Variants in KRIT1 observed in about 807,000 individuals in gnomAD.
The protein encoded by KRIT1 is KRIT1 ankyrin repeat containing.
In KRIT1, 45 loss-of-function variants were observed where a neutral mutation model predicts 95.8. The ratio of observed to expected loss-of-function variants is 0.47; its 90% CI spans 0.37 to 0.60. The LOEUF is 0.60. Among genes scored for constraint, KRIT1 ranks in the 20% least tolerant of loss-of-function variants. The pLI, the probability that KRIT1 is intolerant of heterozygous loss-of-function variation, is 0.00. For missense variants in KRIT1, 788 were observed against 877.5 expected (o/e 0.90, Z 1.29); for synonymous variants, 282 against 278.8 (o/e 1.01, Z -0.11).
chr7:92,207,776 G>A (rs753497906), intron 17 of KRIT1, among the ~76,000 whole-genome samples: 10 of 152,144 alleles, frequency 6.6e-5, no homozygotes, highest in Non-Finnish European at 1.5e-4. Flanking sequence ...ATAATCGCTT[G>A]AACCCAGGAG....
intron 10 of KRIT1, among the ~76,000 whole-genome samples, chr7:92,229,213 T>A (rs1450387482): frequency 6.6e-6 from 1 of 152,212 alleles, no homozygotes; most frequent in African/African-American, 2.4e-5. Flanking sequence ...ACCAACAGTA[T>A]ATAAGCGTTC....
Position 92,200,632 on chromosome 7 carries a change from G to A in KRIT1, c.*104C>T. 1 of 784,718 alleles carries A rather than the reference G, an allele frequency of 1.3e-6. No individual in the cohort carries two copies. Among genetic ancestry groups the A allele is most frequent in the Non-Finnish European group, 2.2e-6 (1 of 447,270 alleles). The allele number at this position is 784,718 out of a possible 1,614,324, so 48.6% of individuals were successfully genotyped here. A position where few individuals can be genotyped will look rare whatever the true frequency, so the allele number is the denominator to read the frequency against. On this transcript the variant is annotated 3_prime_UTR_variant, in exon 19 of 19. Transcript: ENST00000394505. The stretch of plus-strand genomic sequence containing the variant: ...CTCCCAAAGTGCTGGAATTACAGGG[G>A]TGAGCCACCATGCTCGGCCAAAAGT...
At chr7:92,204,456 C>A (rs1002647647) in intron 17 of KRIT1, among the ~76,000 whole-genome samples, 4 of 151,776 alleles carry the variant, frequency 2.6e-5, no homozygotes, top group African/African-American at 9.7e-5. Context: ...CACTTTATTT[C>A]TATTACTATT....
rs1313244200 is a variant in KRIT1, at chr7:92,199,973, A to G, written c.*763T>C. ...TTTAAAAAAATGTTGAGAAATGTTT[A>G]TAGACTGCAGAAAACTGTTTTAAAT... is the stretch of plus-strand genomic sequence containing the variant. On this transcript the variant is annotated 3_prime_UTR_variant, in exon 19 of 19. Transcript: ENST00000394505. The G allele has an allele frequency of 2.0e-5, 3 of 152,532 alleles. No individual in the cohort carries two copies. Among genetic ancestry groups the G allele is most frequent in the Non-Finnish European group, 4.4e-5 (3 of 68,036 alleles). The allele number at this position is 152,532 out of a possible 1,614,324, so 9.4% of individuals were successfully genotyped here. A position where few individuals can be genotyped will look rare whatever the true frequency, so the allele number is the denominator to read the frequency against.
At chr7:92,232,535 T>C (rs1797523152) in intron 10 of KRIT1, among the ~76,000 whole-genome samples, 1 of 150,394 alleles carries the variant, frequency 6.6e-6, no homozygotes, top group Non-Finnish European at 1.5e-5. Context: ...AAAACACCCC[T>C]GCCACAAAAA....
Position 92,225,837 on chromosome 7 carries a change from TGGGTG to T in KRIT1, c.1147-15_1147-11del. Reference sequence around the variant, plus strand: ...GTTGGTCTGTTATATGCTAGAAATGTGGGTGGGGAGGGGGAAAAAAGGCATTACAT... The same window carrying T: ...GTTGGTCTGTTATATGCTAGAAATGTGGGAGGGGGAAAAAAGGCATTACAT... On this transcript the variant is annotated splice_polypyrimidine_tract_variant and intron_variant, in intron 11 of 18. Transcript: ENST00000394505. 1 of 1,460,322 alleles carries T rather than the reference TGGGTG, an allele frequency of 6.8e-7. No individual in the cohort carries two copies. Among genetic ancestry groups the T allele is most frequent in the Non-Finnish European group, 9.6e-7 (1 of 1,039,992 alleles). 90.5% of individuals were successfully genotyped at this position (1,460,322 alleles called of 1,614,324 possible).
At position 92,240,968 on chromosome 7, in the gene KRIT1, G is replaced by A; in HGVS notation, c.262+25C>T. 3 of 1,555,306 alleles carry A rather than the reference G, an allele frequency of 1.9e-6. No homozygotes were observed. In the South Asian group the frequency reaches 3.3e-5, roughly 17 times the overall value. On this transcript the variant is annotated intron_variant, in intron 5 of 18. Transcript: ENST00000394505. The stretch of plus-strand genomic sequence containing the variant: ...TCTCCACAAGTATTTTAAACAATGT[G>A]TTTTTTAAAAAAGAAGTTTCCTACC...
intron 17 of KRIT1, among the ~76,000 whole-genome samples, chr7:92,209,789 A>G (rs10263913): frequency 0.57 from 86,157 of 152,024 alleles, 25,671 homozygotes; most frequent in African/African-American, 0.76. Flanking sequence ...TAGGCCAGGC[A>G]TGGTGGCTCA....
intron 17 of KRIT1, among the ~76,000 whole-genome samples, chr7:92,211,950 A>C (rs77952927): frequency 0.15 from 22,511 of 151,568 alleles, 1,923 homozygotes; most frequent in East Asian, 0.38. Flanking sequence ...AAAACAACAA[A>C]AAAAAAAAGC....
rs115295776 is a variant in KRIT1, at chr7:92,218,892, A to G, written c.1563+3010T>C. Among the ~76,000 whole-genome samples the G allele has an allele frequency of 9.7e-3, 1,483 of 152,250 alleles. 33 individuals carry two copies. The highest frequency in any genetic ancestry group is 0.034 in the African/African-American group (1,413 of 41,546). ...TTTTGTTGTTCATGCTTTTGTTGTC[A>G]TATCTGACTCCACTGCCTAATCCAA... On this transcript the variant is annotated intron_variant, in intron 14 of 18. Coordinates refer to ENST00000394505, the MANE Select transcript of KRIT1 (RefSeq NM_194454.3).
chr7:92,234,575 T>C lies in KRIT1; in HGVS notation c.863A>G (p.Asp288Gly), dbSNP rs766293925. ...VTEDKERQWV[D>G]DFPLHRSACE... The stretch of plus-strand genomic sequence containing the variant: ...GGCGCTTCGGTGGAGAGGAAAATCA[T>C]CTACCCACTGTCGTTCCCTAATCAT... Residue 288 changes from aspartate (D) to glycine (G), a missense_variant, in exon 10 of 19, where the codon GAT becomes GGT. Asp to Gly is a moderately conservative substitution (Grantham distance 94, BLOSUM62 -1). This residue lies in a region of KRIT1 where 493 missense variants were observed against 582.3 expected (regional missense o/e 0.85). Transcript: ENST00000394505. The C allele has an allele frequency of 1.9e-6, 3 of 1,613,358 alleles. No homozygotes were observed. Among genetic ancestry groups the C allele is most frequent in the Non-Finnish European group, 2.5e-6 (3 of 1,179,312 alleles).
Position 92,234,564 on chromosome 7 carries a change from G to A in KRIT1, c.874C>T (p.Leu292Phe), listed in dbSNP as rs940434620. 1 of 1,613,188 alleles carries A rather than the reference G, an allele frequency of 6.2e-7. No individual in the cohort carries two copies. The highest frequency in any genetic ancestry group is 1.1e-5 in the South Asian group (1 of 91,072). ...TCTCCTTCACAGGCGCTTCGGTGGAGAGGAAAATCATCTACCCACTGTCGT... is the reference window on the plus strand; with the variant it reads ...TCTCCTTCACAGGCGCTTCGGTGGAAAGGAAAATCATCTACCCACTGTCGT... ...KERQWVDDFP[L>F]HRSACEGDSE... Residue 292 changes from leucine (L) to phenylalanine (F), a missense_variant, in exon 10 of 19, where the codon CTC becomes TTC. By Grantham distance (22) the Leu-to-Phe change is conservative. This residue lies in a region of KRIT1 where 493 missense variants were observed against 582.3 expected (regional missense o/e 0.85). Transcript: ENST00000394505.
chr7:92,205,272 G>A (rs1172001720), intron 17 of KRIT1, among the ~76,000 whole-genome samples: 3 of 152,092 alleles, frequency 2.0e-5, no homozygotes, highest in African/African-American at 2.4e-5. Flanking sequence ...CTTGAACCCC[G>A]GAGGCAGAGG....
In KRIT1 at chr7:92,200,396, C is replaced by A. The variant is rs909391548; in HGVS notation, c.*340G>T. The stretch of plus-strand genomic sequence containing the variant: ...TTGAGATGGAGTCTTGCTGTGTCAC[C>A]CAGGCTAGCGTGCCGTGGTGCAATC... On this transcript the variant is annotated 3_prime_UTR_variant, in exon 19 of 19. Coordinates refer to ENST00000394505, the MANE Select transcript of KRIT1 (RefSeq NM_194454.3). 6.1e-5 allele frequency: 17 copies of A among 277,946 alleles called. No individual in the cohort carries two copies. Among genetic ancestry groups the A allele is most frequent in the Non-Finnish European group, 1.0e-4 (15 of 143,672 alleles). The allele number at this position is 277,946 out of a possible 1,614,324, so 17.2% of individuals were successfully genotyped here.
At chr7:92,221,683 A>G (rs1795182660) in intron 14 of KRIT1, among the ~76,000 whole-genome samples, 1 of 152,164 alleles carries the variant, frequency 6.6e-6, no homozygotes, top group African/African-American at 2.4e-5. Flanking sequence ...TCTTTAGGAT[A>G]GCTCCCTATT....
chr7:92,200,885 T>C (rs1252896876), intron 18 of KRIT1, 81 bp from the exon 19 acceptor site: 2 of 967,004 alleles, frequency 2.1e-6, no homozygotes, highest in Non-Finnish European at 3.3e-6. Flanking sequence ...GGCAGTTCCC[T>C]ATCTATTTGA....
intron 15 of KRIT1, 120 bp from the exon 16 acceptor site, chr7:92,214,099 G>A: frequency 4.4e-6 from 3 of 687,262 alleles, no homozygotes; most frequent in South Asian, 1.6e-5. Flanking sequence ...ATATTTTGCT[G>A]TAAAATATCA....
chr7:92,208,657 C>T (rs963678378), intron 17 of KRIT1, among the ~76,000 whole-genome samples: 1 of 151,660 alleles, frequency 6.6e-6, no homozygotes, highest in Non-Finnish European at 1.5e-5. Context: ...CAATATTGAA[C>T]CAGGAAGGAA....
chr7:92,212,076 GC>G (rs1325384796), intron 17 of KRIT1, among the ~76,000 whole-genome samples: 1 of 152,070 alleles, frequency 6.6e-6, no homozygotes, highest in African/African-American at 2.4e-5. Flanking sequence ...CTGAACTCCA[GC>G]CTGGGGAACA....
Sources: allele counts gnomAD v4.1 joint callset (sites outside exome capture counted in the v4.1 genomes callset), GRCh38; gene constraint gnomAD v4.1.1; regional missense constraint gnomAD v4.1.1; transcripts MANE v1.5; gene names NCBI Gene and HGNC (gene_info 2026-07-23, HGNC 2026-07-21).